DNAH8: variants seen among roughly 807,000 people sequenced by gnomAD.
DNAH8 encodes axonemal beta dynein heavy chain 8.
A neutral mutation model predicts 562.1 loss-of-function variants in DNAH8; 382 were observed. The observed-to-expected ratio is 0.68, with a 90% CI of 0.63 to 0.74. The LOEUF (loss-of-function observed/expected upper bound fraction) is 0.74, where lower values mean the gene tolerates loss of function less well. Ranked by LOEUF, DNAH8 falls within the 30% of genes least tolerant of loss-of-function variation. DNAH8 has a pLI of 0.00. For missense variants in DNAH8, 5,203 were observed against 5,620.4 expected (o/e 0.93, Z 2.37); for synonymous variants, 1,881 against 1,919.4 (o/e 0.98, Z 0.52).
At chr6:38,749,280 C>T (rs900737199) in intron 8 of DNAH8, among the ~76,000 whole-genome samples, 2 of 151,948 alleles carry the variant, frequency 1.3e-5, no homozygotes. Flanking sequence ...GAACAGAAAA[C>T]CGAACACCAC....
intron 4 of DNAH8, 33 bp from the exon 5 acceptor site, chr6:38,734,441 A>G (rs754103677): frequency 1.3e-6 from 2 of 1,598,054 alleles, no homozygotes; most frequent in Non-Finnish European, 1.7e-6. Context: ...TAGTTGTGTG[A>G]TTATACGCTA....
At chr6:38,785,630 CT>C (rs2127646999) in intron 17 of DNAH8, among the ~76,000 whole-genome samples, 1 of 152,220 alleles carries the variant, frequency 6.6e-6, no homozygotes, top group East Asian at 1.9e-4. Context: ...TTTCCCTCCC[CT>C]TGCTCCCCAC....
At chr6:38,904,108 T>C (rs1780268116) in intron 62 of DNAH8, among the ~76,000 whole-genome samples, 1 of 152,208 alleles carries the variant, frequency 6.6e-6, no homozygotes, top group East Asian at 1.9e-4. Flanking sequence ...AAATGCTTAC[T>C]TTTAACCAAT....
At position 38,946,679 on chromosome 6, in the gene DNAH8, G is replaced by A. The variant is rs148645689; in HGVS notation, c.12129+1091G>A. Among the ~76,000 whole-genome samples the A allele has an allele frequency of 6.9e-3, 1,052 of 152,156 alleles. 9 individuals are homozygous for A. Among genetic ancestry groups the A allele is most frequent in the African/African-American group, 0.022 (926 of 41,504 alleles). On this transcript the variant is annotated intron_variant, in intron 80 of 92. Transcript: ENST00000327475. Reference sequence around the variant, plus strand: ...CAAAATATTAGCTGGGTGTGGTGGCGGGTGCCTGTAATCCCAGCTACTCGG... The same window carrying A: ...CAAAATATTAGCTGGGTGTGGTGGCAGGTGCCTGTAATCCCAGCTACTCGG...
chr6:39,019,596 G>A (rs533612536), intron 91 of DNAH8, among the ~76,000 whole-genome samples: 18 of 152,286 alleles, frequency 1.2e-4, no homozygotes, highest in African/African-American at 3.9e-4. Context: ...TGAGAGAGGG[G>A]GGCATTTGGA....
chr6:38,793,171 G>GT (rs1443741923), intron 21 of DNAH8, among the ~76,000 whole-genome samples: 1 of 151,944 alleles, frequency 6.6e-6, no homozygotes, highest in Non-Finnish European at 1.5e-5. Context: ...AATTAATTTA[G>GT]TTTTTTGAGA....
chr6:38,720,390 C>A (rs1762656528), intron 1 of DNAH8, among the ~76,000 whole-genome samples: 1 of 152,124 alleles, frequency 6.6e-6, no homozygotes, highest in African/African-American at 2.4e-5. Flanking sequence ...AAGCTCATCC[C>A]ACAGTTCCCT....
intron 26 of DNAH8, among the ~76,000 whole-genome samples, chr6:38,816,305 C>T (rs1249859496): frequency 6.6e-6 from 1 of 152,112 alleles, no homozygotes; most frequent in Non-Finnish European, 1.5e-5. Context: ...TCACATTGTT[C>T]AGCTCCCACT....
At chr6:38,804,863 G>T (rs1240783149) in intron 22 of DNAH8, among the ~76,000 whole-genome samples, 1 of 145,654 alleles carries the variant, frequency 6.9e-6, no homozygotes, top group Non-Finnish European at 1.5e-5. Context: ...GGAATATTTG[G>T]CAAGGTCTGG....
chr6:38,938,223 C>T lies in DNAH8; in HGVS notation c.11813C>T (p.Ala3938Val), dbSNP rs1362703002. The T allele has an allele frequency of 1.9e-6, 3 of 1,605,966 alleles. No homozygotes were observed. Among genetic ancestry groups the T allele is most frequent in the Non-Finnish European group, 2.6e-6 (3 of 1,175,074 alleles). The change falls in exon 78 of 93, where the codon GCC (alanine) becomes GTC (valine). Residue 3938 changes from alanine (A) to valine (V), a missense_variant. By Grantham distance (64) the Ala-to-Val change is moderately conservative. Coordinates refer to ENST00000327475, the MANE Select transcript of DNAH8 (RefSeq NM_001206927.2). ...QFLKLFDQSMARSEKSPLPQK... is the reference protein window; with the variant it reads ...QFLKLFDQSMVRSEKSPLPQK... ...TTGAAGTTATTTGACCAGTCCATGG[C>T]CAGGTGAGTCCTCACTACCTTCATC...
chr6:38,949,514 T>C lies in DNAH8; in HGVS notation c.12192T>C (p.Ile4064=). Residue 4064 remains isoleucine (I), a synonymous_variant, in exon 81 of 93, where the codon ATT becomes ATC. Transcript: ENST00000327475. ...WFDKDAPEEE[I]IPDGYNDSLD... ...ATAAAGATGCTCCAGAGGAGGAAATTATCCCTGATGGATATAATGATTCAC... is the reference window on the plus strand; with the variant it reads ...ATAAAGATGCTCCAGAGGAGGAAATCATCCCTGATGGATATAATGATTCAC... 6.2e-7 allele frequency: 1 copy of C among 1,613,516 alleles called. No individual in the cohort carries two copies. The highest frequency in any genetic ancestry group is 8.5e-7 in the Non-Finnish European group (1 of 1,179,502).
chr6:38,849,275 A>G (rs1358269540), intron 37 of DNAH8, among the ~76,000 whole-genome samples: 2 of 152,158 alleles, frequency 1.3e-5, no homozygotes, highest in East Asian at 1.9e-4. Flanking sequence ...TAATATTAAA[A>G]TTAATCTATA....
At chr6:39,023,070 A>AAT (rs1376113583) in intron 91 of DNAH8, among the ~76,000 whole-genome samples, 3 of 152,212 alleles carry the variant, frequency 2.0e-5, no homozygotes, top group Non-Finnish European at 4.4e-5. Flanking sequence ...TCTCATGAAG[A>AAT]ATAGAAGGTT....
chr6:38,875,727 A>C lies in DNAH8; in HGVS notation c.7757A>C (p.Lys2586Thr). The C allele has an allele frequency of 6.2e-7, 1 of 1,614,026 alleles. No individual in the cohort carries two copies. The highest frequency in any genetic ancestry group is 8.5e-7 in the Non-Finnish European group (1 of 1,179,942). Residue 2586 changes from lysine to threonine, a missense_variant, in exon 53 of 93, where the codon AAG (lysine) becomes ACG (threonine). Physicochemically the swap from Lys to Thr is moderately conservative, Grantham distance 78. This residue lies in a region of DNAH8 where 977 missense variants were observed against 1,061.8 expected (regional missense o/e 0.92). Transcript: ENST00000327475. ...GALLELESRE[K>T]LEAFLRQHES... ...CTTCTGGAATTAGAAAGCAGAGAAA[A>C]GCTTGAAGCCTTCTTACGGCAGCAT...
intron 4 of DNAH8, among the ~76,000 whole-genome samples, chr6:38,734,177 C>T (rs1393373799): frequency 6.6e-6 from 1 of 151,228 alleles, no homozygotes; most frequent in Non-Finnish European, 1.5e-5. Flanking sequence ...GTCCCAGCTA[C>T]TTGGGAGGCT....
At chr6:38,895,681 C>G (rs769021208) in intron 59 of DNAH8, among the ~76,000 whole-genome samples, 1 of 152,196 alleles carries the variant, frequency 6.6e-6, no homozygotes, top group African/African-American at 2.4e-5. Context: ...CCTTTGTCCT[C>G]TCTTCCCTCT....
chr6:38,860,525 A>G lies in DNAH8; in HGVS notation c.6027A>G (p.Glu2009=). ...AACAGAGTAGATTTTATTTTAAGGA[A>G]GATTTGGATCAAACTGTGGTGTCTA... is the stretch of plus-strand genomic sequence containing the variant. ...WLKQSRFYFK[E]DLDQTVVSIT... The change falls in exon 43 of 93, where the codon GAA becomes GAG. Residue 2009 remains glutamate (E), a synonymous_variant. Transcript: ENST00000327475. 6.6e-7 allele frequency: 1 copy of G among 1,509,436 alleles called. No individual in the cohort carries two copies. Among genetic ancestry groups the G allele is most frequent in the Non-Finnish European group, 8.8e-7 (1 of 1,134,814 alleles). The allele number at this position is 1,509,436 out of a possible 1,614,324, so 93.5% of individuals were successfully genotyped here.
chr6:38,887,348 C>T (rs1246455920), intron 57 of DNAH8, among the ~76,000 whole-genome samples: 2 of 152,180 alleles, frequency 1.3e-5, no homozygotes, highest in African/African-American at 4.8e-5. Context: ...TCAAATGTAG[C>T]ACTTCAATAT....
intron 22 of DNAH8, among the ~76,000 whole-genome samples, chr6:38,805,052 A>G (rs1562846355): frequency 1.3e-5 from 2 of 152,128 alleles, no homozygotes; most frequent in African/African-American, 4.8e-5. Context: ...TGAGGATGAG[A>G]AAGCCTCAGC....
Sources: gnomAD v4.1 joint callset for allele counts (sites outside exome capture counted in the v4.1 genomes callset) on GRCh38, gnomAD v4.1.1 for gene constraint, gnomAD v4.1.1 regional missense constraint, MANE v1.5 for transcripts, NCBI Gene and HGNC (gene_info 2026-07-23, HGNC 2026-07-21) for gene names.